LINGO2: variants seen among roughly 807,000 people sequenced by gnomAD.
LINGO2 encodes the protein leucine-rich repeat and immunoglobulin-like domain-containing nogo receptor-interacting protein 2.
A neutral mutation model predicts 30.6 loss-of-function variants in LINGO2; 14 were observed. That is an observed-to-expected ratio of 0.46 (90% CI 0.30 to 0.72). LINGO2 has a LOEUF of 0.72. Ranked by LOEUF, LINGO2 falls within the 30% of genes least tolerant of loss-of-function variation. The pLI is 0.07. For synonymous variants in LINGO2, 317 were observed against 288.5 expected, an observed-to-expected ratio of 1.10 and a Z score of -1.00; for missense variants, 729 against 751.7, an observed-to-expected ratio of 0.97 and a Z score of 0.35.
chr9:28,769,491 TA>T, the LINGO2 span, among the ~76,000 whole-genome samples: 1 of 6,754 alleles, frequency 1.5e-4, no homozygotes, highest in African/African-American at 7.7e-4. Context: ...TATATATATA[TA>T]TATATATATA....
chr9:29,018,391 C>T, the LINGO2 span, among the ~76,000 whole-genome samples: 1 of 151,866 alleles, frequency 6.6e-6, no homozygotes, highest in East Asian at 1.9e-4. Flanking sequence ...ATTTGTACCC[C>T]AAACCTCTGC....
In LINGO2 at chr9:28,165,952, G is replaced by A. The variant is rs867938685; in HGVS notation, c.-87+129256C>T. Among the ~76,000 whole-genome samples the A allele has an allele frequency of 1.1e-4, 17 of 152,236 alleles. No individual in the cohort carries two copies. In the Middle Eastern group the frequency reaches 0.01, roughly 91 times the overall value. The stretch of plus-strand genomic sequence containing the variant: ...TCTCAAAAGGAATTCAACAAAACTC[G>A]TATTTACCAAACACAAAACCACTCA... On this transcript the variant is annotated intron_variant, in intron 4 of 5. Transcript: ENST00000379992.
the LINGO2 span, among the ~76,000 whole-genome samples, chr9:29,139,197 A>G: frequency 6.6e-6 from 1 of 152,116 alleles, no homozygotes; most frequent in African/African-American, 2.4e-5. Flanking sequence ...TCCAACAACC[A>G]GTGCGCTTGG....
chr9:29,133,509 C>G, the LINGO2 span, among the ~76,000 whole-genome samples: 1 of 152,104 alleles, frequency 6.6e-6, no homozygotes, highest in Non-Finnish European at 1.5e-5. Context: ...GGCAAAATAA[C>G]TTAAGTGACT....
At chr9:27,978,978 G>T (rs959189508) in intron 5 of LINGO2, among the ~76,000 whole-genome samples, 4 of 152,030 alleles carry the variant, frequency 2.6e-5, no homozygotes, top group Non-Finnish European at 5.9e-5. Flanking sequence ...TTATAAAAGA[G>T]TTCAAGGCTC....
chr9:28,570,284 T>C (rs1482911261), intron 1 of LINGO2, among the ~76,000 whole-genome samples: 3 of 151,940 alleles, frequency 2.0e-5, no homozygotes, highest in Admixed American at 2.0e-4. Context: ...GTCACGGCTA[T>C]TATGAAAGTT....
At chr9:29,085,125 G>A in the LINGO2 span, among the ~76,000 whole-genome samples, 5 of 151,044 alleles carry the variant, frequency 3.3e-5, no homozygotes, top group African/African-American at 9.7e-5. Context: ...TTCCTAAATC[G>A]ATCTATTTTA....
the LINGO2 span, among the ~76,000 whole-genome samples, chr9:28,805,637 T>C: frequency 6.6e-6 from 1 of 152,190 alleles, no homozygotes; most frequent in African/African-American, 2.4e-5. Flanking sequence ...TTCACAAATC[T>C]ACTAACAGGA....
At chr9:28,907,825 A>G in the LINGO2 span, among the ~76,000 whole-genome samples, 4 of 151,708 alleles carry the variant, frequency 2.6e-5, no homozygotes, top group Admixed American at 1.3e-4. Flanking sequence ...AAAAGGAACT[A>G]CTTCTTGAAG....
chr9:29,101,162 C>T, the LINGO2 span, among the ~76,000 whole-genome samples: 2 of 152,150 alleles, frequency 1.3e-5, no homozygotes, highest in Non-Finnish European at 1.5e-5. Context: ...GTTAGAAAAA[C>T]GTACTTTATA....
the LINGO2 span, among the ~76,000 whole-genome samples, chr9:29,188,033 T>C: frequency 2.1e-5 from 3 of 145,624 alleles, no homozygotes; most frequent in Admixed American, 2.0e-4. Context: ...TTTTTTTTTT[T>C]TTTTATTGAT....
intron 1 of LINGO2, among the ~76,000 whole-genome samples, chr9:28,539,143 T>C (rs1005857765): frequency 1.3e-5 from 2 of 152,054 alleles, no homozygotes; most frequent in Non-Finnish European, 2.9e-5. Context: ...AGAAGATATA[T>C]TTGATAATAC....
chr9:28,505,542 C>G (rs542546379), intron 1 of LINGO2, among the ~76,000 whole-genome samples: 1 of 151,932 alleles, frequency 6.6e-6, no homozygotes, highest in East Asian at 1.9e-4. Context: ...TGCTATAAGA[C>G]AATTCATATC....
At chr9:28,899,709 C>T in the LINGO2 span, among the ~76,000 whole-genome samples, 1 of 152,200 alleles carries the variant, frequency 6.6e-6, no homozygotes, top group Non-Finnish European at 1.5e-5. Flanking sequence ...CAGTCTGGCA[C>T]ACATAGCCCC....
intron 4 of LINGO2, among the ~76,000 whole-genome samples, chr9:28,062,471 T>TA (rs1312346301): frequency 3.4e-5 from 5 of 146,936 alleles, no homozygotes; most frequent in African/African-American, 1.2e-4. Context: ...CTACATATTG[T>TA]ATATATACTA....
the LINGO2 span, among the ~76,000 whole-genome samples, chr9:28,682,347 G>A: frequency 6.6e-6 from 1 of 152,116 alleles, no homozygotes; most frequent in Non-Finnish European, 1.5e-5. Context: ...TGCCTGACTT[G>A]CATATCTGTG....
At chr9:28,157,981 C>A (rs1451474215) in intron 4 of LINGO2, among the ~76,000 whole-genome samples, 1 of 152,210 alleles carries the variant, frequency 6.6e-6, no homozygotes, top group Non-Finnish European at 1.5e-5. Context: ...TCTGAGTCCT[C>A]CAAACTGTTC....
At chr9:28,316,997 A>G (rs959690009) in intron 3 of LINGO2, among the ~76,000 whole-genome samples, 1 of 152,178 alleles carries the variant, frequency 6.6e-6, no homozygotes, top group Non-Finnish European at 1.5e-5. Flanking sequence ...CACCTACATG[A>G]CAATGTATAT....
chr9:29,161,583 G>C, the LINGO2 span, among the ~76,000 whole-genome samples: 1 of 152,196 alleles, frequency 6.6e-6, no homozygotes, highest in Non-Finnish European at 1.5e-5. Context: ...GGCCTTGATA[G>C]TTTGCTGGGC....
Sources: gnomAD v4.1 joint callset for allele counts (sites outside exome capture counted in the v4.1 genomes callset) on GRCh38, gnomAD v4.1.1 for gene constraint, MANE v1.5 for transcripts, NCBI Gene and HGNC (gene_info 2026-07-23, HGNC 2026-07-21) for gene names.